CCSER1: variants seen among roughly 807,000 people sequenced by gnomAD.
CCSER1 encodes serine-rich coiled-coil domain-containing protein 1.
A neutral mutation model predicts 82.0 loss-of-function variants in CCSER1; 41 were observed. That is an observed-to-expected ratio of 0.50 (90% CI 0.39 to 0.65). CCSER1 has a LOEUF of 0.65. Among genes scored for constraint, CCSER1 ranks in the 30% least tolerant of loss-of-function variants. The probability of loss-of-function intolerance (pLI) is 0.00; values close to 1 mark genes in which losing one functional copy is unlikely to be tolerated. For missense variants in CCSER1, 1,119 were observed against 1,064.2 expected, an observed-to-expected ratio of 1.05 and a Z score of -0.72; for synonymous variants, 414 against 383.9, an observed-to-expected ratio of 1.08 and a Z score of -0.92.
chr4:90,935,865 T>TA (rs199979736), intron 9 of CCSER1, among the ~76,000 whole-genome samples: 8,088 of 151,958 alleles, frequency 0.053, 304 homozygotes, highest in Admixed American at 0.12. Context: ...TCTTTTTAGT[T>TA]AAAAAAAATA....
At chr4:91,391,932 A>C (rs1440935693) in intron 10 of CCSER1, among the ~76,000 whole-genome samples, 2 of 152,116 alleles carry the variant, frequency 1.3e-5, no homozygotes, top group African/African-American at 4.8e-5. Flanking sequence ...ACATTTATGC[A>C]CATATGTACA....
intron 9 of CCSER1, among the ~76,000 whole-genome samples, chr4:91,062,327 G>T (rs936012886): frequency 3.9e-5 from 6 of 152,026 alleles, no homozygotes; most frequent in African/African-American, 1.4e-4. Context: ...CCTGCAGCGT[G>T]TATCATTCAT....
intron 10 of CCSER1, among the ~76,000 whole-genome samples, chr4:91,235,409 A>C (rs764171133): frequency 3.3e-5 from 5 of 152,172 alleles, no homozygotes; most frequent in African/African-American, 7.2e-5. Flanking sequence ...GAAAACCTTC[A>C]ATTTATATTC....
intron 7 of CCSER1, among the ~76,000 whole-genome samples, chr4:90,772,476 C>T (rs1268949876): frequency 1.3e-5 from 2 of 152,142 alleles, no homozygotes; most frequent in African/African-American, 4.8e-5. Flanking sequence ...GTATAACTTA[C>T]AGTCACTACT....
chr4:90,644,920 G>A (rs974601813), intron 6 of CCSER1, among the ~76,000 whole-genome samples: 1 of 151,042 alleles, frequency 6.6e-6, no homozygotes, highest in Admixed American at 6.6e-5. Context: ...CATCTCCACC[G>A]AGAGTACAAA....
At chr4:91,116,931 AG>A (rs1376268331) in intron 10 of CCSER1, among the ~76,000 whole-genome samples, 2 of 152,208 alleles carry the variant, frequency 1.3e-5, no homozygotes, top group Non-Finnish European at 2.9e-5. Flanking sequence ...CATCATATTT[AG>A]TAGGCTACTT....
intron 10 of CCSER1, among the ~76,000 whole-genome samples, chr4:91,155,041 A>T (rs1304242271): frequency 6.6e-6 from 1 of 151,470 alleles, no homozygotes; most frequent in Non-Finnish European, 1.5e-5. Flanking sequence ...CCTTAAAAAA[A>T]AAAATCCTAA....
chr4:90,952,196 A>AAT (rs1419678421), intron 9 of CCSER1, among the ~76,000 whole-genome samples: 2 of 152,100 alleles, frequency 1.3e-5, no homozygotes, highest in African/African-American at 4.8e-5. Flanking sequence ...ATAAAAAGAA[A>AAT]ATATCAAGTC....
At chr4:90,524,395 A>G (rs528065084) in intron 5 of CCSER1, among the ~76,000 whole-genome samples, 2 of 152,294 alleles carry the variant, frequency 1.3e-5, no homozygotes, top group Admixed American at 1.3e-4. Flanking sequence ...AAACAGTGGG[A>G]TGTAGTTTCC....
At chr4:90,589,093 A>G (rs1782381215) in intron 5 of CCSER1, among the ~76,000 whole-genome samples, 1 of 152,172 alleles carries the variant, frequency 6.6e-6, no homozygotes, top group Non-Finnish European at 1.5e-5. Flanking sequence ...ACCAGTAACT[A>G]AAATACAGGG....
chr4:90,602,739 T>C (rs1163688833), intron 5 of CCSER1, among the ~76,000 whole-genome samples: 2 of 152,282 alleles, frequency 1.3e-5, no homozygotes, highest in South Asian at 2.1e-4. Context: ...GCAAGTCTCA[T>C]GGGGACAATA....
chr4:90,841,356 A>C (rs1464723084), intron 8 of CCSER1, among the ~76,000 whole-genome samples: 1 of 152,096 alleles, frequency 6.6e-6, no homozygotes, highest in African/African-American at 2.4e-5. Context: ...AGGCGGGTAG[A>C]TCACGAGGTG....
chr4:91,000,171 T>C (rs1176841837), intron 9 of CCSER1, among the ~76,000 whole-genome samples: 1 of 151,732 alleles, frequency 6.6e-6, no homozygotes, highest in Admixed American at 6.6e-5. Context: ...CAGTACCTTA[T>C]AGTATAGGTT....
intron 9 of CCSER1, among the ~76,000 whole-genome samples, chr4:91,082,973 C>G (rs1424474732): frequency 1.3e-5 from 2 of 152,152 alleles, no homozygotes; most frequent in Non-Finnish European, 2.9e-5. Context: ...GGACTGTAAA[C>G]TAGTTCAACC....
intron 10 of CCSER1, among the ~76,000 whole-genome samples, chr4:91,510,665 T>C (rs1264113595): frequency 6.6e-6 from 1 of 152,206 alleles, no homozygotes; most frequent in Admixed American, 6.5e-5. Context: ...GTTCACTTTT[T>C]AATAGGGTTT....
intron 8 of CCSER1, among the ~76,000 whole-genome samples, chr4:90,822,276 A>G (rs1018514765): frequency 1.3e-5 from 2 of 152,326 alleles, no homozygotes; most frequent in African/African-American, 4.8e-5. Context: ...ATTTGTATGG[A>G]TAATCACATT....
In CCSER1 at chr4:90,584,246, T is replaced by G. The variant is rs558238813; in HGVS notation, c.1725-43779T>G. On this transcript the variant is annotated intron_variant, in intron 5 of 10. Coordinates refer to ENST00000509176, the MANE Select transcript of CCSER1 (RefSeq NM_001145065.2). ...TGATCTACTCATAAAAGCCTGTAAG[T>G]CTGGGCCTAGAGGTCAGACAAAGAT... is the stretch of plus-strand genomic sequence containing the variant. 2.0e-5 allele frequency among the ~76,000 whole-genome samples: 3 copies of G among 152,284 alleles called. No individual in the cohort carries two copies. The South Asian group carries it at 6.2e-4, about 32-fold the overall frequency.
At chr4:90,152,432 G>C (rs1727040545) in intron 1 of CCSER1, among the ~76,000 whole-genome samples, 1 of 152,168 alleles carries the variant, frequency 6.6e-6, no homozygotes, top group Non-Finnish European at 1.5e-5. Context: ...AATGGGGCTT[G>C]ATTTTCCCTG....
chr4:91,208,852 A>C (rs1021969720), intron 10 of CCSER1, among the ~76,000 whole-genome samples: 3 of 151,918 alleles, frequency 2.0e-5, no homozygotes, highest in Non-Finnish European at 4.4e-5. Flanking sequence ...TGAGCATGGA[A>C]TGTTTTTCCA....
Sources: gnomAD v4.1 joint callset for allele counts (sites outside exome capture counted in the v4.1 genomes callset) on GRCh38, gnomAD v4.1.1 for gene constraint, MANE v1.5 for transcripts, NCBI Gene and HGNC (gene_info 2026-07-23, HGNC 2026-07-21) for gene names.